The following FBXL17 variants were observed in gnomAD, a reference collection of about 807,000 sequenced individuals.
FBXL17 encodes the protein F-box/LRR-repeat protein 17.
A neutral mutation model predicts 66.2 loss-of-function variants in FBXL17; 22 were observed. The ratio of observed to expected loss-of-function variants is 0.33; its 90% CI spans 0.24 to 0.47. FBXL17 has a LOEUF of 0.47. FBXL17 is among the 20% of genes least tolerant of loss of function. The pLI, the probability that FBXL17 is intolerant of heterozygous loss-of-function variation, is 1.00. For synonymous variants in FBXL17, 474 were observed against 400.5 expected (o/e 1.18, Z -2.19); for missense variants, 878 against 948.2 (o/e 0.93, Z 0.97).
chr5:108,262,668 C>T (rs562121631), intron 4 of FBXL17, among the ~76,000 whole-genome samples: 5 of 151,700 alleles, frequency 3.3e-5, no homozygotes, highest in Non-Finnish European at 5.9e-5. Context: ...AGACAATATA[C>T]GAGAAGAAAA....
intron 6 of FBXL17, among the ~76,000 whole-genome samples, chr5:108,136,324 AC>A (rs1294816994): frequency 6.6e-6 from 1 of 152,136 alleles, no homozygotes; most frequent in African/African-American, 2.4e-5. Flanking sequence ...AAAATGGCAA[AC>A]ATACTTTAGC....
At chr5:108,274,220 C>T (rs955276187) in intron 4 of FBXL17, among the ~76,000 whole-genome samples, 6 of 152,150 alleles carry the variant, frequency 3.9e-5, no homozygotes, top group South Asian at 2.1e-4. Flanking sequence ...TAAGCCTGGG[C>T]GTGCTACGGG....
At chr5:107,882,984 G>C (rs1748840367) in intron 7 of FBXL17, among the ~76,000 whole-genome samples, 1 of 152,138 alleles carries the variant, frequency 6.6e-6, no homozygotes, top group African/African-American at 2.4e-5. Context: ...ATTGATTCTG[G>C]GTGGTAAAAT....
In FBXL17 at chr5:107,941,900, C is replaced by A. The variant is rs575102537; in HGVS notation, c.1823-60721G>T. ...GAAGGTGACAGAATTCGTAGGCTTC[C>A]TTCCGTGACCGTCGTGGCTGAAAGT... On this transcript the variant is annotated intron_variant, in intron 7 of 8. Coordinates refer to ENST00000542267, the MANE Select transcript of FBXL17 (RefSeq NM_001163315.3). 7.2e-5 allele frequency among the ~76,000 whole-genome samples: 11 copies of A among 152,308 alleles called. No homozygotes were observed. In the South Asian group the frequency reaches 1.5e-3, roughly 20 times the overall value.
chr5:108,345,540 C>G (rs1747216568), intron 4 of FBXL17, among the ~76,000 whole-genome samples: 1 of 149,918 alleles, frequency 6.7e-6, no homozygotes, highest in South Asian at 2.1e-4. Flanking sequence ...TATCTTACTA[C>G]TTTGTGTAAA....
chr5:108,345,686 T>G (rs2112459600), intron 4 of FBXL17, among the ~76,000 whole-genome samples: 1 of 151,746 alleles, frequency 6.6e-6, no homozygotes. Flanking sequence ...AGCAGAAACT[T>G]ATAGAGGCAT....
intron 6 of FBXL17, among the ~76,000 whole-genome samples, chr5:108,068,110 T>C (rs911036496): frequency 2.9e-4 from 44 of 152,298 alleles, no homozygotes; most frequent in African/African-American, 1.0e-3. Context: ...CTAAAGTATT[T>C]GAAAAAATCC....
At chr5:107,983,994 C>T (rs17438307) in intron 7 of FBXL17, among the ~76,000 whole-genome samples, 18,941 of 151,956 alleles carry the variant, frequency 0.12, 1,394 homozygotes, top group East Asian at 0.2. Context: ...AAAATGGGGT[C>T]GCCAAGTCTG....
intron 6 of FBXL17, among the ~76,000 whole-genome samples, chr5:108,112,947 T>C (rs1424636792): frequency 2.7e-5 from 4 of 148,258 alleles, no homozygotes; most frequent in African/African-American, 4.9e-5. Flanking sequence ...CCAAACTTTT[T>C]CTTAATTCAC....
At chr5:108,091,121 T>C (rs1432910201) in intron 6 of FBXL17, among the ~76,000 whole-genome samples, 5 of 152,178 alleles carry the variant, frequency 3.3e-5, no homozygotes, top group Non-Finnish European at 7.3e-5. Context: ...AACAAAACCT[T>C]ACAACATACA....
chr5:108,095,884 G>C (rs1749350057), intron 6 of FBXL17, among the ~76,000 whole-genome samples: 2 of 152,034 alleles, frequency 1.3e-5, no homozygotes, highest in African/African-American at 4.8e-5. Context: ...TTCCTAGACA[G>C]GTAAGATCAT....
chr5:107,948,331 A>G (rs1307366643), intron 7 of FBXL17, among the ~76,000 whole-genome samples: 2 of 152,214 alleles, frequency 1.3e-5, no homozygotes, highest in Non-Finnish European at 2.9e-5. Flanking sequence ...TGTGACTATA[A>G]TAATTCAGCA....
At chr5:108,049,307 TA>T (rs1747382461) in intron 6 of FBXL17, among the ~76,000 whole-genome samples, 1 of 151,564 alleles carries the variant, frequency 6.6e-6, no homozygotes, top group Admixed American at 6.6e-5. Context: ...CACACCCAGC[TA>T]ATTTTTTTTT....
intron 6 of FBXL17, among the ~76,000 whole-genome samples, chr5:108,181,161 G>C (rs143435030): frequency 0.01 from 1,572 of 152,070 alleles, 31 homozygotes; most frequent in African/African-American, 0.035. Flanking sequence ...TGGACTCCGC[G>C]TCAAACATAT....
intron 5 of FBXL17, among the ~76,000 whole-genome samples, chr5:108,204,177 A>G (rs1396018837): frequency 1.3e-5 from 2 of 152,186 alleles, no homozygotes; most frequent in East Asian, 3.9e-4. Context: ...TACCATCTTA[A>G]TAGTTATTTA....
At chr5:108,211,561 A>G (rs1031242831) in intron 5 of FBXL17, among the ~76,000 whole-genome samples, 3 of 152,106 alleles carry the variant, frequency 2.0e-5, no homozygotes, top group African/African-American at 7.2e-5. Context: ...TCTGTAAAGG[A>G]CTTTATTTCT....
intron 6 of FBXL17, among the ~76,000 whole-genome samples, chr5:108,029,619 C>T (rs907168584): frequency 6.6e-6 from 1 of 151,990 alleles, no homozygotes; most frequent in Non-Finnish European, 1.5e-5. Flanking sequence ...AGAGAGATAA[C>T]TTTTTACTTA....
At chr5:108,107,143 C>T (rs1230957511) in intron 6 of FBXL17, among the ~76,000 whole-genome samples, 1 of 152,110 alleles carries the variant, frequency 6.6e-6, no homozygotes, top group Non-Finnish European at 1.5e-5. Flanking sequence ...GAGATCTCAG[C>T]TCACTGCAAC....
chr5:108,202,663 C>T (rs1487015557), intron 5 of FBXL17, among the ~76,000 whole-genome samples: 2 of 152,040 alleles, frequency 1.3e-5, no homozygotes, highest in East Asian at 1.9e-4. Flanking sequence ...TGGACAAAGA[C>T]GATTCATAGC....
Sources: allele counts gnomAD v4.1 joint callset (sites outside exome capture counted in the v4.1 genomes callset), GRCh38; gene constraint gnomAD v4.1.1; transcripts MANE v1.5; gene names NCBI Gene and HGNC (gene_info 2026-07-23, HGNC 2026-07-21).